Variants in PCP4L1 observed in about 807,000 individuals in gnomAD.
The protein encoded by PCP4L1 is Purkinje cell protein 4 like 1.
Under a neutral mutation model 9.6 loss-of-function variants are expected in PCP4L1, and 9 were observed. The observed-to-expected ratio is 0.94, with a 90% CI of 0.57 to 1.64. The LOEUF (loss-of-function observed/expected upper bound fraction) is 1.64, where lower values mean the gene tolerates loss of function less well. Among genes scored for constraint, PCP4L1 ranks in the 40% most tolerant of loss-of-function variants. The probability of loss-of-function intolerance (pLI) is 0.00; values close to 1 mark genes in which losing one functional copy is unlikely to be tolerated. For missense variants in PCP4L1, 81 were observed against 80.8 expected (o/e 1.00, Z -0.01); for synonymous variants, 31 against 28.2 (o/e 1.10, Z -0.31).
intron 1 of PCP4L1, among the ~76,000 whole-genome samples, chr1:161,276,617 G>T (rs1205332626): frequency 2.0e-5 from 3 of 151,596 alleles, no homozygotes; most frequent in Admixed American, 1.3e-4. Context: ...GGAGATCAAG[G>T]CTGCAGTGAG....
chr1:161,259,024 C>T lies in PCP4L1; in HGVS notation c.9+41C>T, dbSNP rs991705346. On this transcript the variant is annotated intron_variant, in intron 1 of 2. Transcript: ENST00000504449. ...CCCGGCGCTGTCGGCAGGGCTGCGG[C>T]GGGGAGGGTGCTGCGGCTCGGGATC... 4 of 1,524,320 alleles carry T rather than the reference C, an allele frequency of 2.6e-6. No individual in the cohort carries two copies. In the African/African-American group the frequency reaches 5.6e-5, roughly 21 times the overall value. 94.4% of individuals were successfully genotyped at this position (1,524,320 alleles called of 1,614,324 possible). A position where few individuals can be genotyped will look rare whatever the true frequency, so the allele number is the denominator to read the frequency against.
chr1:161,269,304 A>G (rs908959338), intron 1 of PCP4L1, among the ~76,000 whole-genome samples: 2 of 152,104 alleles, frequency 1.3e-5, no homozygotes, highest in African/African-American at 4.8e-5. Flanking sequence ...GTAATATGAA[A>G]TATACTTCAT....
rs987778533 is a variant in PCP4L1 at position 161,285,065 on chromosome 1, T to C, written c.*584T>C. On this transcript the variant is annotated 3_prime_UTR_variant, in exon 3 of 3. Coordinates refer to ENST00000504449, the MANE Select transcript of PCP4L1 (RefSeq NM_001102566.2). ...TAGTTCCAAGGAAGGGAGACTGGAA[T>C]GCTGGTGTCAAGGAAAAGCCTCCCT... 2 of 153,066 alleles carry C rather than the reference T, an allele frequency of 1.3e-5. No homozygotes were observed. The highest frequency in any genetic ancestry group is 2.9e-5 in the Non-Finnish European group (2 of 68,670). The allele number at this position is 153,066 out of a possible 1,614,324, so 9.5% of individuals were successfully genotyped here. A position where few individuals can be genotyped will look rare whatever the true frequency, so the allele number is the denominator to read the frequency against.
intron 1 of PCP4L1, among the ~76,000 whole-genome samples, chr1:161,277,969 C>T (rs1254505639): frequency 6.6e-5 from 10 of 152,170 alleles, no homozygotes; most frequent in Non-Finnish European, 2.9e-5. Context: ...TGTAGATAAA[C>T]TGTCTGTATT....
At position 161,283,714 on chromosome 1, in the gene PCP4L1, A is replaced by G. The variant is rs372790534; in HGVS notation, c.56A>G (p.Glu19Gly). ...SPATNQAAGQ[E>G]EKGKAGNVKK... is the part of the protein sequence containing the mutation. Reference sequence around the variant, plus strand: ...GCAACCAACCAGGCAGCTGGCCAAGAGGAAAAAGGTGAGTGGGGTTGGGCT... The same window carrying G: ...GCAACCAACCAGGCAGCTGGCCAAGGGGAAAAAGGTGAGTGGGGTTGGGCT... The change falls in exon 2 of 3, where the codon GAG becomes GGG. Residue 19 changes from glutamate to glycine, a missense_variant. Transcript: ENST00000504449. 55 of 1,606,174 alleles carry G rather than the reference A, an allele frequency of 3.4e-5. No homozygotes were observed. The Middle Eastern group carries it at 8.2e-4, about 24-fold the overall frequency.
chr1:161,278,730 C>T lies in PCP4L1; in HGVS notation c.10-4938C>T, dbSNP rs779324326. On this transcript the variant is annotated intron_variant, in intron 1 of 2. Coordinates refer to ENST00000504449, the MANE Select transcript of PCP4L1 (RefSeq NM_001102566.2). Reference sequence around the variant, plus strand: ...CACATATTCTGGCTATCTACCTAACCTCATTTCTTATACTCTCTCCCTTAC... The same window carrying T: ...CACATATTCTGGCTATCTACCTAACTTCATTTCTTATACTCTCTCCCTTAC... Among the ~76,000 whole-genome samples the T allele has an allele frequency of 1.5e-4, 23 of 152,146 alleles. 1 individual carries two copies. Among genetic ancestry groups the T allele is most frequent in the African/African-American group, 2.2e-4 (9 of 41,420 alleles).
chr1:161,268,816 T>C (rs1227724016), intron 1 of PCP4L1, among the ~76,000 whole-genome samples: 1 of 152,254 alleles, frequency 6.6e-6, no homozygotes, highest in Non-Finnish European at 1.5e-5. Flanking sequence ...CCCAAAGCCC[T>C]GGGATTACAG....
intron 1 of PCP4L1, among the ~76,000 whole-genome samples, chr1:161,264,055 G>A (rs894271603): frequency 1.2e-4 from 18 of 151,668 alleles, no homozygotes; most frequent in African/African-American, 2.2e-4. Flanking sequence ...GATTACAGGC[G>A]TGTATCACCA....
chr1:161,283,676 C>T lies in PCP4L1; in HGVS notation c.18C>T (p.Thr6=). 6.2e-6 allele frequency: 10 copies of T among 1,600,860 alleles called. No homozygotes were observed. The highest frequency in any genetic ancestry group is 7.7e-6 in the Non-Finnish European group (9 of 1,173,232). Residue 6 remains threonine (T), a synonymous_variant, in exon 2 of 3, where the codon ACC becomes ACT. Coordinates refer to ENST00000504449, the MANE Select transcript of PCP4L1 (RefSeq NM_001102566.2). MSELN[T]KTSPATNQAA... is the part of the protein sequence containing the mutation. The stretch of plus-strand genomic sequence containing the variant: ...CCTAATATTTTTTCCAGCTTAATAC[C>T]AAAACATCCCCAGCAACCAACCAGG...
intron 1 of PCP4L1, among the ~76,000 whole-genome samples, chr1:161,270,023 G>T (rs187523908): frequency 6.6e-6 from 1 of 150,876 alleles, no homozygotes; most frequent in Non-Finnish European, 1.5e-5. Flanking sequence ...AGGACTGGGC[G>T]TGGTGGCTCA....
chr1:161,277,637 A>G (rs544768435), intron 1 of PCP4L1, among the ~76,000 whole-genome samples: 1 of 152,278 alleles, frequency 6.6e-6, no homozygotes, highest in East Asian at 1.9e-4. Flanking sequence ...TTAACCCCCA[A>G]TGTGCCCTTT....
Position 161,258,792 on chromosome 1 carries a change from G to T in PCP4L1, c.-183G>T. 1 of 961,898 alleles carries T rather than the reference G, an allele frequency of 1.0e-6. No individual in the cohort carries two copies. The highest frequency in any genetic ancestry group is 1.5e-5 in the South Asian group (1 of 66,692). 59.6% of individuals were successfully genotyped at this position (961,898 alleles called of 1,614,324 possible). ...CGCAGGGGGTCGCCTGGCCGGAGCTGGGCTCCGAGAATCCCGGGTGCCAGC... is the reference window on the plus strand; with the variant it reads ...CGCAGGGGGTCGCCTGGCCGGAGCTTGGCTCCGAGAATCCCGGGTGCCAGC... On this transcript the variant is annotated 5_prime_UTR_variant, in exon 1 of 3. Coordinates refer to ENST00000504449, the MANE Select transcript of PCP4L1 (RefSeq NM_001102566.2).
chr1:161,259,703 G>T (rs1669386264), intron 1 of PCP4L1, among the ~76,000 whole-genome samples: 1 of 152,194 alleles, frequency 6.6e-6, no homozygotes, highest in South Asian at 2.1e-4. Context: ...TCAAAGCAGA[G>T]ACTTTGGAAA....
In PCP4L1 at chr1:161,265,471, CGT is replaced by C. The variant is rs542564697; in HGVS notation, c.9+6490_9+6491del. ...TCCAGGAGATCAAGCTGCAGTGAGC[CGT>C]GATTGTGCCACTGCATTCCAGCTTA... On this transcript the variant is annotated intron_variant, in intron 1 of 2. Transcript: ENST00000504449. 2.0e-4 allele frequency among the ~76,000 whole-genome samples: 31 copies of C among 152,108 alleles called. 1 individual carries two copies. In the South Asian group the frequency reaches 6.2e-3, roughly 31 times the overall value.
Position 161,284,416 on chromosome 1 carries a change from G to C in PCP4L1, c.142G>C (p.Ala48Pro). Residue 48 changes from alanine to proline, a missense_variant, in exon 3 of 3, where the codon GCT (alanine) becomes CCT (proline). By Grantham distance (27) the Ala-to-Pro change is conservative (BLOSUM62 -1). Coordinates refer to ENST00000504449, the MANE Select transcript of PCP4L1 (RefSeq NM_001102566.2). Reference sequence around the variant, plus strand: ...TCTGACAGCACCAGAAACAGAGAAGGCTGCCCTTGCTATTCAGGGCAAGTT... The same window carrying C: ...TCTGACAGCACCAGAAACAGAGAAGCCTGCCCTTGCTATTCAGGGCAAGTT... ...IDLTAPETEKAALAIQGKFRR... is the reference protein window; with the variant it reads ...IDLTAPETEKPALAIQGKFRR... 6.2e-7 allele frequency: 1 copy of C among 1,613,960 alleles called. No individual in the cohort carries two copies. Among genetic ancestry groups the C allele is most frequent in the East Asian group, 2.2e-5 (1 of 44,884 alleles).
chr1:161,282,238 C>T (rs190937942), intron 1 of PCP4L1, among the ~76,000 whole-genome samples: 2 of 152,050 alleles, frequency 1.3e-5, no homozygotes, highest in African/African-American at 2.4e-5. Context: ...AATACGAAAA[C>T]CAGTCAGGCG....
intron 1 of PCP4L1, among the ~76,000 whole-genome samples, chr1:161,281,745 G>A (rs879802499): frequency 0.045 from 6,112 of 134,926 alleles, 398 homozygotes; most frequent in Non-Finnish European, 0.061. Context: ...TCACCTCCCA[G>A]ACGGGGTCAC....
chr1:161,263,330 G>A (rs1042619610), intron 1 of PCP4L1, among the ~76,000 whole-genome samples: 3 of 151,806 alleles, frequency 2.0e-5, no homozygotes, highest in East Asian at 1.9e-4. Context: ...CTCCACCTCC[G>A]GGGTTCATGC....
chr1:161,268,970 T>G (rs763186456), intron 1 of PCP4L1, among the ~76,000 whole-genome samples: 2 of 152,240 alleles, frequency 1.3e-5, no homozygotes, highest in Non-Finnish European at 2.9e-5. Flanking sequence ...TTTGAACAGA[T>G]AGTCAATGCA....
Sources: allele counts gnomAD v4.1 joint callset (sites outside exome capture counted in the v4.1 genomes callset), GRCh38; gene constraint gnomAD v4.1.1; transcripts MANE v1.5; gene names NCBI Gene and HGNC (gene_info 2026-07-23, HGNC 2026-07-21).